HS3ST4: variants seen among roughly 807,000 people sequenced by gnomAD.
HS3ST4 encodes the protein heparan sulfate-glucosamine 3-sulfotransferase 4, also known as heparan sulfate glucosamine 3-O-sulfotransferase 4.
A neutral mutation model predicts 29.2 loss-of-function variants in HS3ST4; 17 were observed. The observed-to-expected ratio is 0.58, with a 90% confidence interval of 0.40 to 0.87. HS3ST4 has a LOEUF of 0.87. Among genes scored for constraint, HS3ST4 ranks in the 40% least tolerant of loss-of-function variants. The pLI, the probability that HS3ST4 is intolerant of heterozygous loss-of-function variation, is 0.00. For synonymous variants in HS3ST4, 314 were observed against 285.7 expected (o/e 1.10, Z -1.00); for missense variants, 627 against 634.5 (o/e 0.99, Z 0.13).
At chr16:25,742,644 C>A (rs1265164974) in intron 1 of HS3ST4, among the ~76,000 whole-genome samples, 1 of 152,218 alleles carries the variant, frequency 6.6e-6, no homozygotes, top group Non-Finnish European at 1.5e-5. Context: ...CTGGATCAGT[C>A]AGCCTTTTGA....
chr16:26,119,727 T>C (rs925933180), intron 1 of HS3ST4, among the ~76,000 whole-genome samples: 2 of 152,168 alleles, frequency 1.3e-5, no homozygotes, highest in South Asian at 4.1e-4. Context: ...CTTCCATCAT[T>C]GAACAAATAT....
In HS3ST4 at chr16:25,862,163, A is replaced by ATT. The variant is rs1967644008; in HGVS notation, c.734+169013_734+169014insTT. ...TCCTATGAGAATTTTATTTATTTACATATTTATTTATTTATTTATTTATTT... is the reference window on the plus strand; with the variant it reads ...TCCTATGAGAATTTTATTTATTTACATTTATTTATTTATTTATTTATTTATTT... On this transcript the variant is annotated intron_variant, in intron 1 of 1. Coordinates refer to ENST00000331351, the MANE Select transcript of HS3ST4 (RefSeq NM_006040.3). Among the ~76,000 whole-genome samples the ATT allele has an allele frequency of 1.6e-3, 230 of 144,766 alleles. 2 individuals are homozygous for ATT. The highest frequency in any genetic ancestry group is 3.6e-3 in the East Asian group (18 of 4,940). 95.0% of individuals were successfully genotyped at this position (144,766 alleles called of 152,430 possible).
intron 1 of HS3ST4, among the ~76,000 whole-genome samples, chr16:25,883,761 C>A (rs1967918365): frequency 1.3e-5 from 2 of 152,124 alleles, no homozygotes; most frequent in Non-Finnish European, 2.9e-5. Flanking sequence ...TACCATTTTG[C>A]AGATGGGAAA....
intron 1 of HS3ST4, among the ~76,000 whole-genome samples, chr16:26,005,669 T>C (rs565109264): frequency 8.2e-4 from 124 of 151,488 alleles, no homozygotes; most frequent in African/African-American, 2.9e-3. Flanking sequence ...AACACCATCA[T>C]GGTGTCCCTG....
At chr16:25,833,499 A>G (rs554638699) in intron 1 of HS3ST4, among the ~76,000 whole-genome samples, 15 of 152,186 alleles carry the variant, frequency 9.9e-5, no homozygotes, top group African/African-American at 1.7e-4. Flanking sequence ...CCATGTAAGG[A>G]ACTTAGAACA....
chr16:25,919,110 C>T (rs1370539805), intron 1 of HS3ST4, among the ~76,000 whole-genome samples: 2 of 152,198 alleles, frequency 1.3e-5, no homozygotes, highest in African/African-American at 4.8e-5. Context: ...ACTCTAGCCT[C>T]AAACTCTTGG....
rs1968688887 is a variant in HS3ST4 at position 25,952,128 on chromosome 16, G to A, written c.735-183484G>A. ...TTATGTAGTGTCTATGGCTGCATTT[G>A]AGCCACAGTGACAGAGCTGAGTAGT... On this transcript the variant is annotated intron_variant, in intron 1 of 1. Coordinates refer to ENST00000331351, the MANE Select transcript of HS3ST4 (RefSeq NM_006040.3). 2.0e-5 allele frequency among the ~76,000 whole-genome samples: 3 copies of A among 152,144 alleles called. 1 individual carries two copies. Among genetic ancestry groups the A allele is most frequent in the South Asian group, 2.1e-4 (1 of 4,818 alleles).
At chr16:26,072,513 A>C (rs1374945041) in intron 1 of HS3ST4, among the ~76,000 whole-genome samples, 1 of 152,202 alleles carries the variant, frequency 6.6e-6, no homozygotes, top group African/African-American at 2.4e-5. Flanking sequence ...TGGTGCCTAA[A>C]ACAGGATAAC....
chr16:25,705,229 C>A (rs566686875), intron 1 of HS3ST4, among the ~76,000 whole-genome samples: 1 of 152,144 alleles, frequency 6.6e-6, no homozygotes, highest in Non-Finnish European at 1.5e-5. Context: ...TAGAGGTGTC[C>A]GCACACCATT....
At chr16:26,088,736 A>C (rs1296124429) in intron 1 of HS3ST4, among the ~76,000 whole-genome samples, 4 of 152,224 alleles carry the variant, frequency 2.6e-5, no homozygotes, top group African/African-American at 9.6e-5. Flanking sequence ...ATGTTAAGAC[A>C]CAGCTTGTCT....
intron 1 of HS3ST4, among the ~76,000 whole-genome samples, chr16:26,013,766 G>C (rs552665947): frequency 6.6e-6 from 1 of 152,068 alleles, no homozygotes; most frequent in Non-Finnish European, 1.5e-5. Flanking sequence ...TCCCAGCACT[G>C]TGGGAGGCTA....
chr16:26,068,157 G>C (rs1408169395), intron 1 of HS3ST4, among the ~76,000 whole-genome samples: 1 of 152,122 alleles, frequency 6.6e-6, no homozygotes, highest in African/African-American at 2.4e-5. Context: ...CAACATGTAT[G>C]CCAAAGGTGT....
chr16:25,829,546 A>G (rs1249038445), intron 1 of HS3ST4, among the ~76,000 whole-genome samples: 1 of 152,068 alleles, frequency 6.6e-6, no homozygotes, highest in East Asian at 1.9e-4. Context: ...TGCATTAGTT[A>G]TTTGTCCTAA....
At chr16:25,746,777 TCCTGA>T (rs922354465) in intron 1 of HS3ST4, among the ~76,000 whole-genome samples, 1 of 152,060 alleles carries the variant, frequency 6.6e-6, no homozygotes, top group African/African-American at 2.4e-5. Context: ...GGTCTCAAAC[TCCTGA>T]CCTCATGATC....
chr16:25,869,957 A>G (rs962839417), intron 1 of HS3ST4, among the ~76,000 whole-genome samples: 4 of 152,232 alleles, frequency 2.6e-5, no homozygotes, highest in African/African-American at 9.6e-5. Flanking sequence ...ACCAGGGATC[A>G]GATCTGAAGC....
rs1185837303 is a variant in HS3ST4, at chr16:25,692,756, GC to G, written c.344del (p.Pro115GlnfsTer35). ...DNASHGEPPE[P>X]PEQPAAPGTD... ...ACGCGAGCCACGGGGAGCCGCCCGA[GC>G]CCCCAGAGCAGCCAGCCGCCCCCGG... On this transcript the variant is annotated frameshift_variant, in exon 1 of 2. Coordinates refer to ENST00000331351, the MANE Select transcript of HS3ST4 (RefSeq NM_006040.3). LOFTEE classifies it high-confidence loss of function. The G allele has an allele frequency of 3.9e-6, 5 of 1,296,004 alleles. No individual in the cohort carries two copies. The highest frequency in any genetic ancestry group is 5.3e-5 in the South Asian group (2 of 37,646). The allele number at this position is 1,296,004 out of a possible 1,614,324, so 80.3% of individuals were successfully genotyped here. A position where few individuals can be genotyped will look rare whatever the true frequency, so the allele number is the denominator to read the frequency against.
chr16:26,109,965 T>C (rs1220799953), intron 1 of HS3ST4, among the ~76,000 whole-genome samples: 1 of 152,222 alleles, frequency 6.6e-6, no homozygotes, highest in Non-Finnish European at 1.5e-5. Context: ...ATATTAGCTA[T>C]AGTTACTGTG....
chr16:26,118,329 C>G (rs532867675), intron 1 of HS3ST4, among the ~76,000 whole-genome samples: 1 of 152,258 alleles, frequency 6.6e-6, no homozygotes, highest in Middle Eastern at 3.4e-3. Context: ...ATCCTTCTGC[C>G]TTGGACTCCC....
chr16:25,763,012 C>T lies in HS3ST4; in HGVS notation c.734+69861C>T, dbSNP rs944903597. On this transcript the variant is annotated intron_variant, in intron 1 of 1. Coordinates refer to ENST00000331351, the MANE Select transcript of HS3ST4 (RefSeq NM_006040.3). ...ATGCATGTTAGAGACAAGAGACAGA[C>T]ACCAAGGTACCCAGGAGCCAGGAAG... Among the ~76,000 whole-genome samples, 5 of 151,970 alleles carry T rather than the reference C, an allele frequency of 3.3e-5. No homozygotes were observed. In the East Asian group the frequency reaches 9.7e-4, roughly 30 times the overall value.
Sources: gnomAD v4.1 joint callset for allele counts (sites outside exome capture counted in the v4.1 genomes callset) on GRCh38, gnomAD v4.1.1 for gene constraint, MANE v1.5 for transcripts, NCBI Gene and HGNC (gene_info 2026-07-23, HGNC 2026-07-21) for gene names.